Variants in TMC5 observed in about 807,000 individuals in gnomAD.
TMC5 encodes the protein transmembrane channel-like protein 5.
TMC5 carries 86 observed loss-of-function variants against 110.5 expected under a neutral mutation model. The observed-to-expected ratio is 0.78, with a 90% CI of 0.65 to 0.93. The LOEUF is 0.93. Among genes scored for constraint, TMC5 ranks in the 40% least tolerant of loss-of-function variants. TMC5 has a pLI of 0.00. For missense variants in TMC5, 1,144 were observed against 1,222.8 expected, an observed-to-expected ratio of 0.94 and a Z score of 0.96; for synonymous variants, 455 against 439.5, an observed-to-expected ratio of 1.04 and a Z score of -0.44.
Position 19,472,108 on chromosome 16 carries a change from T to G in TMC5, c.1803T>G (p.Arg601=). The change falls in exon 11 of 22, where the codon CGT becomes CGG. Residue 601 remains arginine, a synonymous_variant. Transcript: ENST00000542583. The part of the protein sequence containing the change: ...TEIRENLSEL[R]QENSKLTFNQ... Reference sequence around the variant, plus strand: ...TCTAGGAGAACCTGTCAGAGCTCCGTCAGGAGAATTCCAAGTTGACGTTCA... The same window carrying G: ...TCTAGGAGAACCTGTCAGAGCTCCGGCAGGAGAATTCCAAGTTGACGTTCA... 1 of 1,614,074 alleles carries G rather than the reference T, an allele frequency of 6.2e-7. No homozygotes were observed. The highest frequency in any genetic ancestry group is 8.5e-7 in the Non-Finnish European group (1 of 1,179,946).
At chr16:19,493,601 C>T (rs1228078472) in intron 19 of TMC5, among the ~76,000 whole-genome samples, 1 of 152,104 alleles carries the variant, frequency 6.6e-6, no homozygotes, top group African/African-American at 2.4e-5. Flanking sequence ...GCTGGGATTA[C>T]AGGTGTGTGC....
At chr16:19,490,949 T>TTCCCCTTCTTTCTCCCTTCCCCTCCC (rs1968885929) in intron 18 of TMC5, among the ~76,000 whole-genome samples, 1 of 70,508 alleles carries the variant, frequency 1.4e-5, no homozygotes, top group African/African-American at 4.9e-5. Flanking sequence ...CTTCCCTTCC[T>TTCCCCTTCTTTCTCCCTTCCCCTCCC]TTCCCCTTCC....
chr16:19,494,304 C>T lies in TMC5; in HGVS notation c.2869C>T (p.Leu957=), dbSNP rs777823922. ...GTTCCTGATAGAAAAATTGATCAAG[C>T]TGCAGGATATGGAGAAGAAAGCAAA... ...KMFLIEKLIK[L]QDMEKKANPS... is the part of the protein sequence containing the mutation. The change falls in exon 20 of 22, where the codon CTG becomes TTG. Residue 957 remains leucine, a synonymous_variant. Transcript: ENST00000542583. 6.2e-7 allele frequency: 1 copy of T among 1,613,504 alleles called. No homozygotes were observed. The highest frequency in any genetic ancestry group is 8.5e-7 in the Non-Finnish European group (1 of 1,179,740).
chr16:19,454,934 T>G (rs1466606383), intron 5 of TMC5, among the ~76,000 whole-genome samples: 2 of 151,920 alleles, frequency 1.3e-5, no homozygotes, highest in African/African-American at 4.8e-5. Context: ...AAACCAGGGG[T>G]TCGAGACCAG....
rs373116969 is a variant in TMC5, at chr16:19,440,414, C to G, written c.376C>G (p.Pro126Ala). 8 of 1,614,098 alleles carry G rather than the reference C, an allele frequency of 5.0e-6. No homozygotes were observed. The highest frequency in any genetic ancestry group is 6.8e-6 in the Non-Finnish European group (8 of 1,180,036). ...CTACCACCGAGCATCATCCAGACAA[C>G]CAGACTACCCTGGATCTCAACGAAA... ...HPYHRASSRQ[P>A]DYPGSQRNPD... The change falls in exon 3 of 22, where the codon CCA (proline) becomes GCA (alanine). Residue 126 changes from proline to alanine, a missense_variant. Coordinates refer to ENST00000542583, the MANE Select transcript of TMC5 (RefSeq NM_001261841.2).
chr16:19,424,775 A>G (rs1440447448), intron 1 of TMC5, among the ~76,000 whole-genome samples: 1 of 152,226 alleles, frequency 6.6e-6, no homozygotes, highest in Admixed American at 6.5e-5. Context: ...TCACTCTCTA[A>G]GAATGTGGAT....
At position 19,444,087 on chromosome 16, in the gene TMC5, C is replaced by T. The variant is rs1967556395; in HGVS notation, c.795C>T (p.Leu265=). ...SETPKMTRGV[L]SRTSSIQPSF... ...CCATCATTTTGGATTTTAGGGTGCT[C>T]AGCAGAACATCTTCAATCCAGCCCT... The change falls in exon 4 of 22, where the codon CTC becomes CTT. Residue 265 remains leucine, a synonymous_variant. Coordinates refer to ENST00000542583, the MANE Select transcript of TMC5 (RefSeq NM_001261841.2). The T allele has an allele frequency of 6.2e-7, 1 of 1,613,704 alleles. No homozygotes were observed. The highest frequency in any genetic ancestry group is 2.2e-5 in the East Asian group (1 of 44,870).
At chr16:19,462,502 G>A (rs1464556724) in intron 6 of TMC5, 1 of 701,826 alleles carries the variant, frequency 1.4e-6, no homozygotes, top group African/African-American at 1.7e-5. Flanking sequence ...GTTCCACACA[G>A]CAGGGGAGGC....
At chr16:19,485,833 C>CT (rs1469001092) in intron 15 of TMC5, among the ~76,000 whole-genome samples, 1 of 152,218 alleles carries the variant, frequency 6.6e-6, no homozygotes, top group African/African-American at 2.4e-5. Context: ...CCTTTTGTTG[C>CT]TCACGAGCAC....
At position 19,440,189 on chromosome 16, in the gene TMC5, A is replaced by G; in HGVS notation, c.151A>G (p.Arg51Gly). ...PLNNPDYPGT[R>G]SNPYSVASRT... The stretch of plus-strand genomic sequence containing the variant: ...GAACAATCCAGACTACCCCGGCACC[A>G]GGAGCAATCCATACTCTGTAGCCTC... The change falls in exon 3 of 22, where the codon AGG (arginine) becomes GGG (glycine). Residue 51 changes from arginine to glycine, a missense_variant. Physicochemically the swap from Arg to Gly is moderately radical, Grantham distance 125. Transcript: ENST00000542583. 1 of 1,614,210 alleles carries G rather than the reference A, an allele frequency of 6.2e-7. No individual in the cohort carries two copies. The highest frequency in any genetic ancestry group is 8.5e-7 in the Non-Finnish European group (1 of 1,180,026).
intron 6 of TMC5, among the ~76,000 whole-genome samples, chr16:19,461,496 C>T (rs564950785): frequency 2.8e-4 from 42 of 152,178 alleles, no homozygotes; most frequent in African/African-American, 9.2e-4. Context: ...ATCGCTTGAA[C>T]CTGGAAGGCA....
At chr16:19,475,802 CTTT>C (rs1032784346) in intron 12 of TMC5, among the ~76,000 whole-genome samples, 5 of 127,342 alleles carry the variant, frequency 3.9e-5, no homozygotes, top group African/African-American at 5.9e-5. Context: ...AATTTTCTTT[CTTT>C]TTTTTTTTTT....
At position 19,440,844 on chromosome 16, in the gene TMC5, T is replaced by G. The variant is rs768840226; in HGVS notation, c.788+18T>G. ...ACCAGGGGGTAAGTTCAGATATATA[T>G]CCCTTCACTGGGAGTGGATGCTGAG... On this transcript the variant is annotated intron_variant, in intron 3 of 21. Transcript: ENST00000542583. 5.0e-6 allele frequency: 8 copies of G among 1,599,916 alleles called. No individual in the cohort carries two copies. The highest frequency in any genetic ancestry group is 1.3e-5 in the African/African-American group (1 of 74,488).
At chr16:19,464,411 G>A (rs560052332) in intron 8 of TMC5, among the ~76,000 whole-genome samples, 25 of 152,248 alleles carry the variant, frequency 1.6e-4, no homozygotes, top group African/African-American at 5.3e-4. Context: ...GCAACAGAGC[G>A]AGGCCTTGTC....
intron 5 of TMC5, among the ~76,000 whole-genome samples, chr16:19,454,928 C>T (rs541059324): frequency 6.6e-6 from 1 of 152,178 alleles, no homozygotes; most frequent in South Asian, 2.1e-4. Flanking sequence ...TGCTTGAAAC[C>T]AGGGGTTCGA....
chr16:19,449,116 G>A (rs1298645911), intron 4 of TMC5, among the ~76,000 whole-genome samples: 1 of 152,026 alleles, frequency 6.6e-6, no homozygotes, highest in African/African-American at 2.4e-5. Context: ...CTCCCAAAGT[G>A]CTGGGATTAC....
intron 1 of TMC5, among the ~76,000 whole-genome samples, chr16:19,426,789 G>A (rs1967095562): frequency 1.3e-5 from 2 of 152,018 alleles, no homozygotes; most frequent in Non-Finnish European, 2.9e-5. Context: ...CTCTGTGATG[G>A]TAACAAATCA....
intron 20 of TMC5, among the ~76,000 whole-genome samples, chr16:19,494,683 T>G (rs970101313): frequency 6.6e-6 from 1 of 152,110 alleles, no homozygotes. Flanking sequence ...GGCACGCACC[T>G]GTAGCCCCAG....
chr16:19,463,306 AAC>A lies in TMC5; in HGVS notation c.1177_1178del (p.Gln393AspfsTer106). On this transcript the variant is annotated frameshift_variant, in exon 7 of 22. Transcript: ENST00000542583. LOFTEE classifies it high-confidence loss of function. ...AAAATAGTTGACAAAGAAAAAAGCAAACAGACCCATCGTATCCTTCAGCTCAA... is the reference window on the plus strand; with the variant it reads ...AAAATAGTTGACAAAGAAAAAAGCAAAGACCCATCGTATCCTTCAGCTCAA... 1 of 1,614,106 alleles carries A rather than the reference AAC, an allele frequency of 6.2e-7. No homozygotes were observed. The highest frequency in any genetic ancestry group is 1.7e-5 in the Admixed American group (1 of 60,008).
Sources: allele counts gnomAD v4.1 joint callset (sites outside exome capture counted in the v4.1 genomes callset), GRCh38; gene constraint gnomAD v4.1.1; transcripts MANE v1.5; gene names NCBI Gene and HGNC (gene_info 2026-07-23, HGNC 2026-07-21).